The following ASXL2 variants were observed in gnomAD, a reference collection of about 807,000 sequenced individuals.
ASXL2 encodes putative Polycomb group protein ASXL2.
Under a neutral mutation model 122.0 loss-of-function variants are expected in ASXL2, and 23 were observed. The ratio of observed to expected loss-of-function variants is 0.19; its 90% CI spans 0.14 to 0.27. ASXL2 has a LOEUF of 0.27. ASXL2 is among the 10% of genes least tolerant of loss of function. The pLI is 1.00. For missense variants in ASXL2, 1,518 were observed against 1,713.8 expected (o/e 0.89, Z 2.02); for synonymous variants, 650 against 637.0 (o/e 1.02, Z -0.31).
intron 1 of ASXL2, among the ~76,000 whole-genome samples, chr2:25,851,618 C>T (rs192077107): frequency 1.3e-5 from 2 of 152,278 alleles, no homozygotes; most frequent in African/African-American, 4.8e-5. Context: ...TAGCTTAATA[C>T]TTTTTCTGTA....
At chr2:25,865,131 C>G (rs1449627885) in intron 1 of ASXL2, among the ~76,000 whole-genome samples, 1 of 149,960 alleles carries the variant, frequency 6.7e-6, no homozygotes, top group African/African-American at 2.4e-5. Flanking sequence ...CTAAAATTTA[C>G]AATTTAAATC....
rs560968094 is a variant in ASXL2 at position 25,748,501 on chromosome 2, G to A, written c.1860+1195C>T. On this transcript the variant is annotated intron_variant, in intron 12 of 12. Transcript: ENST00000435504. ...AGCCTGGACAACAGAACGAGACTCCGTTAAAAAAAAAAAAAATACAATGAG... is the reference window on the plus strand; with the variant it reads ...AGCCTGGACAACAGAACGAGACTCCATTAAAAAAAAAAAAAATACAATGAG... Among the ~76,000 whole-genome samples the A allele has an allele frequency of 5.3e-5, 7 of 132,956 alleles. No individual in the cohort carries two copies. In the South Asian group the frequency reaches 1.2e-3, roughly 22 times the overall value. The allele number at this position is 132,956 out of a possible 152,430, so 87.2% of individuals were successfully genotyped here.
At chr2:25,806,904 G>C (rs1041010975) in intron 3 of ASXL2, among the ~76,000 whole-genome samples, 1 of 151,232 alleles carries the variant, frequency 6.6e-6, no homozygotes, top group East Asian at 1.9e-4. Flanking sequence ...TAGAATTTCA[G>C]GTATATAATA....
chr2:25,803,689 T>C (rs756556711), intron 4 of ASXL2, among the ~76,000 whole-genome samples: 75 of 152,198 alleles, frequency 4.9e-4, no homozygotes, highest in Non-Finnish European at 7.6e-4. Flanking sequence ...ACAGAGTGCA[T>C]GACCTAGATC....
chr2:25,780,559 G>C (rs2088617087), intron 5 of ASXL2, among the ~76,000 whole-genome samples: 1 of 152,114 alleles, frequency 6.6e-6, no homozygotes, highest in South Asian at 2.1e-4. Context: ...CAGATCTACT[G>C]AATCAGATAC....
chr2:25,810,354 A>G, intron 3 of ASXL2: 2 of 661,140 alleles, frequency 3.0e-6, no homozygotes, highest in Non-Finnish European at 5.6e-6. Flanking sequence ...CTGGAATTCC[A>G]TCTTTTAAGG....
At chr2:25,790,482 G>A (rs987134780) in intron 5 of ASXL2, among the ~76,000 whole-genome samples, 1 of 151,704 alleles carries the variant, frequency 6.6e-6, no homozygotes, top group African/African-American at 2.4e-5. Context: ...TCAAGACCCT[G>A]TTTATAGTCT....
At chr2:25,860,542 G>C (rs1198474008) in intron 1 of ASXL2, among the ~76,000 whole-genome samples, 1 of 150,112 alleles carries the variant, frequency 6.7e-6, no homozygotes, top group Non-Finnish European at 1.5e-5. Context: ...GTGAAACCCC[G>C]TACCTACTAA....
intron 2 of ASXL2, among the ~76,000 whole-genome samples, chr2:25,841,950 A>C (rs2089585926): frequency 6.7e-6 from 1 of 148,646 alleles, no homozygotes; most frequent in Non-Finnish European, 1.5e-5. Flanking sequence ...CTGTCTCAAA[A>C]AAAAAAAAAA....
chr2:25,771,605 C>T, intron 5 of ASXL2, 65 bp from the exon 6 acceptor site: 1 of 1,292,846 alleles, frequency 7.7e-7, no homozygotes, highest in Non-Finnish European at 1.1e-6. Context: ...CATTCCTTCC[C>T]CAATCATATG....
In ASXL2 at chr2:25,734,938, A is replaced by T. The variant is rs2087710924; in HGVS notation, c.*7091T>A. 6.6e-6 allele frequency: 1 copy of T among 152,256 alleles called. No individual in the cohort carries two copies. Among genetic ancestry groups the T allele is most frequent in the African/African-American group, 2.4e-5 (1 of 41,470 alleles). The allele number at this position is 152,256 out of a possible 1,614,324, so 9.4% of individuals were successfully genotyped here. ...ATTCAAAGTTTACTTAAATCCATTT[A>T]AAACCAAATTCCAGGTTATCTTTCT... On this transcript the variant is annotated 3_prime_UTR_variant, in exon 13 of 13. Coordinates refer to ENST00000435504, the MANE Select transcript of ASXL2 (RefSeq NM_018263.6).
In ASXL2 at chr2:25,762,313, CAA is replaced by C. The variant is rs35610577; in HGVS notation, c.776-2670_776-2669del. The stretch of plus-strand genomic sequence containing the variant: ...TACAAGAGAATTAATATGAACACAC[CAA>C]AAAAAAAAAAAAAAAAATCAGTAAA... On this transcript the variant is annotated intron_variant, in intron 8 of 12. Coordinates refer to ENST00000435504, the MANE Select transcript of ASXL2 (RefSeq NM_018263.6). 1.5e-3 allele frequency among the ~76,000 whole-genome samples: 164 copies of C among 107,340 alleles called. 1 individual carries two copies. The highest frequency in any genetic ancestry group is 1.7e-3 in the Non-Finnish European group (94 of 53,726). 70.4% of individuals were successfully genotyped at this position (107,340 alleles called of 152,430 possible). A position where few individuals can be genotyped will look rare whatever the true frequency, so the allele number is the denominator to read the frequency against.
At chr2:25,850,261 G>A (rs938780728) in intron 1 of ASXL2, among the ~76,000 whole-genome samples, 4 of 151,916 alleles carry the variant, frequency 2.6e-5, no homozygotes, top group African/African-American at 9.7e-5. Context: ...CAAATTTACA[G>A]GGAAAAACCA....
rs143203815 is a variant in ASXL2, at chr2:25,736,222, C to T, written c.*5807G>A. ...AAGTAAATAAAGGGTAGCTGGGGATCCAGGTTGAAGCTGCCTTGTCTTCTG... is the reference window on the plus strand; with the variant it reads ...AAGTAAATAAAGGGTAGCTGGGGATTCAGGTTGAAGCTGCCTTGTCTTCTG... On this transcript the variant is annotated 3_prime_UTR_variant, in exon 13 of 13. Transcript: ENST00000435504. 2.2e-4 allele frequency: 33 copies of T among 152,260 alleles called. No homozygotes were observed. Among genetic ancestry groups the T allele is most frequent in the African/African-American group, 7.9e-4 (33 of 41,558 alleles). The allele number at this position is 152,260 out of a possible 1,614,324, so 9.4% of individuals were successfully genotyped here.
At chr2:25,781,852 C>T (rs1431603892) in intron 5 of ASXL2, among the ~76,000 whole-genome samples, 5 of 150,114 alleles carry the variant, frequency 3.3e-5, no homozygotes, top group Admixed American at 6.7e-5. Flanking sequence ...TTAGTAGAGA[C>T]GGGGTTTTGC....
intron 6 of ASXL2, among the ~76,000 whole-genome samples, chr2:25,769,708 A>T (rs1433625130): frequency 3.3e-5 from 5 of 151,790 alleles, no homozygotes; most frequent in Admixed American, 2.0e-4. Context: ...TAATTTCAGG[A>T]AAAAAACTGA....
chr2:25,789,787 C>T (rs1036408024), intron 5 of ASXL2, among the ~76,000 whole-genome samples: 3 of 152,092 alleles, frequency 2.0e-5, no homozygotes, highest in Non-Finnish European at 4.4e-5. Flanking sequence ...ACTTCTGGTT[C>T]CAAGCATTTC....
At chr2:25,789,038 G>A (rs2088790809) in intron 5 of ASXL2, among the ~76,000 whole-genome samples, 1 of 151,878 alleles carries the variant, frequency 6.6e-6, no homozygotes, top group Non-Finnish European at 1.5e-5. Flanking sequence ...TCATCTTCAT[G>A]TAAATTTTAG....
chr2:25,866,882 G>A (rs149283424), intron 1 of ASXL2, among the ~76,000 whole-genome samples: 43 of 151,852 alleles, frequency 2.8e-4, no homozygotes, highest in Non-Finnish European at 5.6e-4. Context: ...ACAGGCACGC[G>A]CCACCACGTC....
Sources: allele counts gnomAD v4.1 joint callset (sites outside exome capture counted in the v4.1 genomes callset), GRCh38; gene constraint gnomAD v4.1.1; transcripts MANE v1.5; gene names NCBI Gene and HGNC (gene_info 2026-07-23, HGNC 2026-07-21).